The following HABP2 variants were observed in gnomAD, a reference collection of about 807,000 sequenced individuals.
HABP2 encodes the protein hyaluronan binding protein 2, also known as factor VII-activating protease.
Under a neutral mutation model 66.5 loss-of-function variants are expected in HABP2, and 65 were observed. The ratio of observed to expected loss-of-function variants is 0.98; its 90% CI spans 0.80 to 1.20. The LOEUF (loss-of-function observed/expected upper bound fraction) is 1.20. Ranked by LOEUF, HABP2 falls within the 50% of genes most tolerant of loss-of-function variation. The pLI is 0.00. For synonymous variants in HABP2, 263 were observed against 253.9 expected (o/e 1.04, Z -0.34); for missense variants, 786 against 691.0 (o/e 1.14, Z -1.54).
chr10:113,565,019 T>TC (rs1845173516), intron 1 of HABP2, among the ~76,000 whole-genome samples: 1 of 152,086 alleles, frequency 6.6e-6, no homozygotes, highest in African/African-American at 2.4e-5. Context: ...GCTAATTTTT[T>TC]GTACTTTTAG....
chr10:113,575,321 T>C (rs1046975091), intron 3 of HABP2, among the ~76,000 whole-genome samples: 3 of 152,174 alleles, frequency 2.0e-5, no homozygotes, highest in Admixed American at 1.3e-4. Flanking sequence ...AGATGAAATA[T>C]GACAAAATCT....
chr10:113,562,481 T>G (rs6585231), intron 1 of HABP2, among the ~76,000 whole-genome samples: 1 of 147,620 alleles, frequency 6.8e-6, no homozygotes, highest in African/African-American at 2.5e-5. Flanking sequence ...GTCTCATTCT[T>G]TCACCCAAGC....
intron 2 of HABP2, among the ~76,000 whole-genome samples, chr10:113,568,978 C>T (rs981134373): frequency 6.6e-6 from 1 of 152,158 alleles, no homozygotes; most frequent in Admixed American, 6.5e-5. Flanking sequence ...GAACAGAGAC[C>T]ATGGAAAGGG....
intron 1 of HABP2, among the ~76,000 whole-genome samples, chr10:113,558,667 T>A (rs1845044611): frequency 6.6e-6 from 1 of 152,204 alleles, no homozygotes. Flanking sequence ...TCACATCTGA[T>A]GCCACGGAAA....
At chr10:113,557,631 G>A (rs1323454660) in intron 1 of HABP2, among the ~76,000 whole-genome samples, 6 of 152,182 alleles carry the variant, frequency 3.9e-5, no homozygotes, top group African/African-American at 9.7e-5. Flanking sequence ...CCTGTGACCC[G>A]CAAACAAGTT....
Position 113,589,528 on chromosome 10 carries a change from C to T in HABP2, c.*1159C>T, listed in dbSNP as rs77529465. 2.3e-4 allele frequency: 231 copies of T among 993,948 alleles called. 1 individual carries two copies. The East Asian group carries it at 4.7e-3, about 20-fold the overall frequency. The allele number at this position is 993,948 out of a possible 1,614,324, so 61.6% of individuals were successfully genotyped here. A position where few individuals can be genotyped will look rare whatever the true frequency, so the allele number is the denominator to read the frequency against. ...GTCATCTCAGACCCATGAAATTAGG[C>T]GCCTTGTTTGAGCTGCGTTTCACAC... On this transcript the variant is annotated 3_prime_UTR_variant, in exon 13 of 13. Transcript: ENST00000351270.
upstream of HABP2, chr10:113,550,883 G>C (rs988016992): frequency 1.3e-5 from 2 of 152,270 alleles, no homozygotes; most frequent in Non-Finnish European, 2.9e-5. Flanking sequence ...TTCACTGTCT[G>C]CCCATCTCCT....
rs1236638634 is a variant in HABP2 at position 113,553,056 on chromosome 10, C to T, written c.-66C>T. The T allele has an allele frequency of 4.3e-6, 5 of 1,169,880 alleles. No homozygotes were observed. In the South Asian group the frequency reaches 6.2e-5, roughly 14 times the overall value. The allele number at this position is 1,169,880 out of a possible 1,614,324, so 72.5% of individuals were successfully genotyped here. On this transcript the variant is annotated 5_prime_UTR_variant, in exon 1 of 13. Transcript: ENST00000351270. ...ATCCTTGGAGACTGACATTTTTCCC[C>T]CCTAAAGGCATAGACAACAAAAGAA...
At chr10:113,570,100 C>T (rs1249752005) in intron 2 of HABP2, 1 of 152,184 alleles carries the variant, frequency 6.6e-6, no homozygotes, top group Non-Finnish European at 1.5e-5. Context: ...TTTCATGAAA[C>T]CCAAACCTAT....
chr10:113,585,765 G>C, intron 11 of HABP2, 28 bp from the exon 12 acceptor site: 1 of 1,603,262 alleles, frequency 6.2e-7, no homozygotes. Context: ...CCACAGTAGT[G>C]ACTCTTTTCT....
chr10:113,577,067 CA>C (rs2133772062), intron 4 of HABP2, 82 bp from the exon 5 acceptor site: 2 of 793,696 alleles, frequency 2.5e-6, no homozygotes, highest in South Asian at 2.9e-5. Context: ...TCAGTCACCC[CA>C]CCCTCAAACA....
At chr10:113,586,531 C>T (rs937577734) in intron 12 of HABP2, among the ~76,000 whole-genome samples, 2 of 148,878 alleles carry the variant, frequency 1.3e-5, no homozygotes, top group African/African-American at 2.5e-5. Flanking sequence ...TAGCCTAGGG[C>T]CTTTCAGAAC....
chr10:113,588,469 A>C lies in HABP2; in HGVS notation c.*100A>C. 1 of 816,766 alleles carries C rather than the reference A, an allele frequency of 1.2e-6. No individual in the cohort carries two copies. The highest frequency in any genetic ancestry group is 1.9e-6 in the Non-Finnish European group (1 of 523,696). 50.6% of individuals were successfully genotyped at this position (816,766 alleles called of 1,614,324 possible). A position where few individuals can be genotyped will look rare whatever the true frequency, so the allele number is the denominator to read the frequency against. On this transcript the variant is annotated 3_prime_UTR_variant, in exon 13 of 13. Coordinates refer to ENST00000351270, the MANE Select transcript of HABP2 (RefSeq NM_004132.5). ...ACACCTCCAGAGCCTCCAGGGGACCACACAGTAGACTATCCCTACTCTAAG... is the reference window on the plus strand; with the variant it reads ...ACACCTCCAGAGCCTCCAGGGGACCCCACAGTAGACTATCCCTACTCTAAG...
intron 1 of HABP2, among the ~76,000 whole-genome samples, chr10:113,562,569 C>T (rs530967090): frequency 1.1e-4 from 16 of 151,958 alleles, no homozygotes; most frequent in Admixed American, 3.3e-4. Flanking sequence ...CTCAGCCACC[C>T]GAGTAGCTGG....
intron 12 of HABP2, 147 bp from the exon 13 acceptor site, chr10:113,588,058 G>A (rs904951921): frequency 3.5e-6 from 2 of 575,018 alleles, no homozygotes; most frequent in African/African-American, 1.9e-5. Context: ...GATGTGGGGA[G>A]AGCCTTGTCA....
At chr10:113,557,917 G>A (rs1395386850) in intron 1 of HABP2, among the ~76,000 whole-genome samples, 1 of 152,244 alleles carries the variant, frequency 6.6e-6, no homozygotes, top group African/African-American at 2.4e-5. Context: ...GCATAGAGCA[G>A]TTAAATCATC....
rs939081799 is a variant in HABP2 at position 113,589,406 on chromosome 10, G to A, written c.*1037G>A. On this transcript the variant is annotated 3_prime_UTR_variant, in exon 13 of 13. Transcript: ENST00000351270. The stretch of plus-strand genomic sequence containing the variant: ...CACAGCCTGGGCTGCCCTGGCCCGG[G>A]ATTGATGTAGCCCCGGTAGGTTTGC... The A allele has an allele frequency of 4.0e-5, 23 of 579,620 alleles. No homozygotes were observed. The highest frequency in any genetic ancestry group is 5.6e-5 in the African/African-American group (3 of 53,604). 35.9% of individuals were successfully genotyped at this position (579,620 alleles called of 1,614,324 possible).
Position 113,588,413 on chromosome 10 carries a change from T to TGACAC in HABP2, c.*45_*49dup. On this transcript the variant is annotated 3_prime_UTR_variant, in exon 13 of 13. Coordinates refer to ENST00000351270, the MANE Select transcript of HABP2 (RefSeq NM_004132.5). ...TCAGAGCCCACTCTCCTTGGCACCC[T>TGACAC]GACACCGGGAGGCCTCATGGCCAAC... 2 of 1,524,188 alleles carry TGACAC rather than the reference T, an allele frequency of 1.3e-6. No homozygotes were observed. Among genetic ancestry groups the TGACAC allele is most frequent in the Non-Finnish European group, 1.8e-6 (2 of 1,118,706 alleles). 94.4% of individuals were successfully genotyped at this position (1,524,188 alleles called of 1,614,324 possible). A position where few individuals can be genotyped will look rare whatever the true frequency, so the allele number is the denominator to read the frequency against.
At position 113,576,004 on chromosome 10, in the gene HABP2, G is replaced by T; in HGVS notation, c.331G>T (p.Val111Leu). 6.5e-7 allele frequency: 1 copy of T among 1,527,908 alleles called. No homozygotes were observed. The highest frequency in any genetic ancestry group is 9.1e-7 in the Non-Finnish European group (1 of 1,101,318). 94.6% of individuals were successfully genotyped at this position (1,527,908 alleles called of 1,614,324 possible). The change falls in exon 4 of 13, where the codon GTG becomes TTG. Residue 111 changes from valine (V) to leucine (L), a missense_variant and splice_region_variant. Coordinates refer to ENST00000351270, the MANE Select transcript of HABP2 (RefSeq NM_004132.5). ...TTTCTCTGGGAATAAGTGTCAGAAA[G>T]GTGAGTCCGTCATCACTAGTCCACT... The part of the protein sequence containing the change: ...APFSGNKCQK[V>L]QNTCKDNPCG...
Sources: allele counts gnomAD v4.1 joint callset (sites outside exome capture counted in the v4.1 genomes callset), GRCh38; gene constraint gnomAD v4.1.1; transcripts MANE v1.5; gene names NCBI Gene and HGNC (gene_info 2026-07-23, HGNC 2026-07-21).